The following DCC variants were observed in gnomAD, a reference collection of about 807,000 sequenced individuals.
DCC encodes the protein netrin receptor DCC.
DCC carries 58 observed loss-of-function variants against 172.5 expected under a neutral mutation model. The ratio of observed to expected loss-of-function variants is 0.34; its 90% CI spans 0.27 to 0.42. The LOEUF (loss-of-function observed/expected upper bound fraction) is 0.42. DCC is among the 10% of genes least tolerant of loss of function. The pLI is 1.00. For synonymous variants in DCC, 709 were observed against 644.5 expected (o/e 1.10, Z -1.52); for missense variants, 1,740 against 1,791.0 (o/e 0.97, Z 0.51).
At chr18:52,797,586 T>A (rs1333802653) in intron 2 of DCC, among the ~76,000 whole-genome samples, 3 of 152,180 alleles carry the variant, frequency 2.0e-5, no homozygotes, top group Non-Finnish European at 4.4e-5. Flanking sequence ...TGGTAAGACT[T>A]TGATGGGGGT....
chr18:52,626,392 C>G (rs2034574024), intron 1 of DCC, among the ~76,000 whole-genome samples: 1 of 152,164 alleles, frequency 6.6e-6, no homozygotes, highest in Non-Finnish European at 1.5e-5. Flanking sequence ...CTAGCCTGAC[C>G]CAAGCTCTTA....
intron 12 of DCC, among the ~76,000 whole-genome samples, chr18:53,243,807 A>G (rs576582119): frequency 1.3e-5 from 2 of 152,302 alleles, no homozygotes; most frequent in East Asian, 1.9e-4. Flanking sequence ...TCCCCGATTC[A>G]GCTGATTCCT....
intron 5 of DCC, among the ~76,000 whole-genome samples, chr18:52,960,796 G>C (rs544122506): frequency 2.8e-4 from 42 of 152,240 alleles, no homozygotes; most frequent in African/African-American, 9.4e-4. Context: ...AACTCCAAGG[G>C]ATTGTTCAAA....
At chr18:52,560,283 G>C (rs2033006882) in intron 1 of DCC, among the ~76,000 whole-genome samples, 1 of 152,132 alleles carries the variant, frequency 6.6e-6, no homozygotes, top group South Asian at 2.1e-4. Flanking sequence ...CTTTATTTAT[G>C]GACACTGAAA....
rs75579482 is a variant in DCC at position 53,274,222 on chromosome 18, C to T, written c.1912-31356C>T. ...CCTCTTTATATTTCAGTGTAGACAA[C>T]ATGTGAGAGGGCTGTTATCGATTCT... On this transcript the variant is annotated intron_variant, in intron 12 of 28. Coordinates refer to ENST00000442544, the MANE Select transcript of DCC (RefSeq NM_005215.4). 6.9e-3 allele frequency among the ~76,000 whole-genome samples: 1,051 copies of T among 152,094 alleles called. 14 individuals carry two copies. The highest frequency in any genetic ancestry group is 0.024 in the African/African-American group (978 of 41,492).
chr18:52,915,915 G>A (rs951242215), intron 3 of DCC, among the ~76,000 whole-genome samples: 1 of 152,028 alleles, frequency 6.6e-6, no homozygotes, highest in African/African-American at 2.4e-5. Flanking sequence ...TCAAAGTATG[G>A]TAGATACCTA....
intron 3 of DCC, among the ~76,000 whole-genome samples, chr18:52,921,984 G>A (rs2145482919): frequency 6.6e-6 from 1 of 152,034 alleles, no homozygotes; most frequent in South Asian, 2.1e-4. Flanking sequence ...TATATTTTGG[G>A]AACTTTCGTG....
In DCC at chr18:52,722,618, G is replaced by A. The variant is rs188658530; in HGVS notation, c.92-29436G>A. ...CTATTCGACTGGTGCAAAAGTAATG[G>A]CGGTTTTTGCAATAATAAATGTCCT... On this transcript the variant is annotated intron_variant, in intron 1 of 28. Transcript: ENST00000442544. Among the ~76,000 whole-genome samples the A allele has an allele frequency of 4.3e-3, 651 of 152,184 alleles. 5 individuals are homozygous for A. The highest frequency in any genetic ancestry group is 0.015 in the African/African-American group (628 of 41,512).
intron 5 of DCC, among the ~76,000 whole-genome samples, chr18:52,954,737 G>A (rs994220802): frequency 4.6e-5 from 7 of 152,266 alleles, no homozygotes; most frequent in African/African-American, 1.7e-4. Context: ...TATAAATGGA[G>A]CAAATGGAGT....
At chr18:52,872,423 C>T (rs2039335663) in intron 2 of DCC, among the ~76,000 whole-genome samples, 1 of 151,996 alleles carries the variant, frequency 6.6e-6, no homozygotes, top group Non-Finnish European at 1.5e-5. Context: ...GAAAGCCCAG[C>T]TCCATCAGTG....
At chr18:53,460,527 T>G (rs1316783615) in intron 24 of DCC, among the ~76,000 whole-genome samples, 1 of 148,534 alleles carries the variant, frequency 6.7e-6, no homozygotes, top group Non-Finnish European at 1.5e-5. Context: ...TGAGAATATG[T>G]GGTGTTTGGT....
chr18:53,377,275 G>T (rs1477064444), intron 15 of DCC, among the ~76,000 whole-genome samples: 1 of 151,896 alleles, frequency 6.6e-6, no homozygotes, highest in East Asian at 1.9e-4. Context: ...CAAGGACAAG[G>T]AGCTGCTGCA....
At chr18:52,806,656 T>C (rs1283651526) in intron 2 of DCC, among the ~76,000 whole-genome samples, 2 of 152,212 alleles carry the variant, frequency 1.3e-5, no homozygotes, top group African/African-American at 4.8e-5. Context: ...TTTCTGGGAA[T>C]GGGTAGAGAA....
At chr18:53,216,563 A>C (rs750460213) in intron 12 of DCC, among the ~76,000 whole-genome samples, 2 of 152,156 alleles carry the variant, frequency 1.3e-5, no homozygotes, top group Non-Finnish European at 2.9e-5. Context: ...TGAGAAAGTA[A>C]TAGTAAAATG....
At chr18:52,606,006 A>G (rs759887136) in intron 1 of DCC, among the ~76,000 whole-genome samples, 27 of 152,208 alleles carry the variant, frequency 1.8e-4, no homozygotes, top group East Asian at 1.9e-4. Flanking sequence ...CAATCTTTCA[A>G]TCTGGGTTAC....
chr18:52,593,871 G>A (rs191315697), intron 1 of DCC, among the ~76,000 whole-genome samples: 55 of 152,306 alleles, frequency 3.6e-4, no homozygotes, highest in Non-Finnish European at 6.6e-4. Flanking sequence ...TTATCTATAG[G>A]TAGTAAGGCA....
intron 1 of DCC, among the ~76,000 whole-genome samples, chr18:52,507,877 G>T (rs1477255415): frequency 6.6e-6 from 1 of 152,100 alleles, no homozygotes; most frequent in African/African-American, 2.4e-5. Flanking sequence ...GAGGCAGGTG[G>T]ATCACCTGAG....
chr18:52,809,597 C>T lies in DCC; in HGVS notation c.412+57223C>T, dbSNP rs187917718. Among the ~76,000 whole-genome samples, 331 of 152,240 alleles carry T rather than the reference C, an allele frequency of 2.2e-3. 1 individual carries two copies. The highest frequency in any genetic ancestry group is 6.0e-3 in the African/African-American group (251 of 41,532). On this transcript the variant is annotated intron_variant, in intron 2 of 28. Coordinates refer to ENST00000442544, the MANE Select transcript of DCC (RefSeq NM_005215.4). ...GCGACTTGCTGGATCAGGAGTGCAG[C>T]GAACACACTGCTGGATCTGGAGGGG...
chr18:53,210,840 T>C (rs1208394411), intron 11 of DCC, among the ~76,000 whole-genome samples: 1 of 152,192 alleles, frequency 6.6e-6, no homozygotes, highest in African/African-American at 2.4e-5. Context: ...TGTAAAGATC[T>C]TTGTCCAGAT....
Sources: gnomAD v4.1 joint callset for allele counts (sites outside exome capture counted in the v4.1 genomes callset) on GRCh38, gnomAD v4.1.1 for gene constraint, MANE v1.5 for transcripts, NCBI Gene and HGNC (gene_info 2026-07-23, HGNC 2026-07-21) for gene names.